FAM135B: variants seen among roughly 807,000 people sequenced by gnomAD.
The protein encoded by FAM135B is protein FAM135B.
A neutral mutation model predicts 127.7 loss-of-function variants in FAM135B; 43 were observed. The ratio of observed to expected loss-of-function variants is 0.34; its 90% CI spans 0.26 to 0.43. The LOEUF (loss-of-function observed/expected upper bound fraction) is 0.43. Ranked by LOEUF, FAM135B falls within the 20% of genes least tolerant of loss-of-function variation. The probability of loss-of-function intolerance (pLI) is 1.00; values close to 1 mark genes in which losing one functional copy is unlikely to be tolerated. For synonymous variants in FAM135B, 670 were observed against 665.1 expected, an observed-to-expected ratio of 1.01 and a Z score of -0.11; for missense variants, 1,558 against 1,725.6, an observed-to-expected ratio of 0.90 and a Z score of 1.72.
At position 138,148,702 on chromosome 8, in the gene FAM135B, A is replaced by G. The variant is rs2130695669; in HGVS notation, c.3282-16T>C. ...CTGATAAAAACTGGAGAATACACTA[A>G]TTAATCACAAGCCAAGCTGTGTACT... On this transcript the variant is annotated splice_polypyrimidine_tract_variant and intron_variant, in intron 13 of 19. Coordinates refer to ENST00000395297, the MANE Select transcript of FAM135B (RefSeq NM_015912.4). 6.3e-7 allele frequency: 1 copy of G among 1,584,782 alleles called. No homozygotes were observed. The highest frequency in any genetic ancestry group is 8.6e-7 in the Non-Finnish European group (1 of 1,160,544).
chr8:138,429,283 T>G (rs915508618), intron 1 of FAM135B, among the ~76,000 whole-genome samples: 1 of 152,198 alleles, frequency 6.6e-6, no homozygotes, highest in East Asian at 1.9e-4. Flanking sequence ...CCATGTCCTA[T>G]TCACACTTTG....
In FAM135B at chr8:138,378,077, C is replaced by A. The variant is rs147343941; in HGVS notation, c.-19-10075G>T. ...TCTCACTTCTGTGTGGAAACTTGGA[C>A]AAGTCACATAACATCTCTAAGCCTG... On this transcript the variant is annotated intron_variant, in intron 1 of 19. Coordinates refer to ENST00000395297, the MANE Select transcript of FAM135B (RefSeq NM_015912.4). Among the ~76,000 whole-genome samples the A allele has an allele frequency of 2.2e-4, 34 of 152,302 alleles. No individual in the cohort carries two copies. The East Asian group carries it at 4.8e-3, about 22-fold the overall frequency.
At chr8:138,240,711 A>G (rs1463809918) in intron 7 of FAM135B, among the ~76,000 whole-genome samples, 1 of 152,194 alleles carries the variant, frequency 6.6e-6, no homozygotes, top group African/African-American at 2.4e-5. Context: ...TTAAGAAATC[A>G]GAGAGTACTT....
rs1814593728 is a variant in FAM135B at position 138,478,032 on chromosome 8, A to AAT, written c.-20+18637_-20+18638dup. ...GCCAGATCTGTTGTTGCACGAGAGA[A>AAT]ATAAAACCCTATTTGGATAAGCCAT... On this transcript the variant is annotated intron_variant, in intron 1 of 19. Transcript: ENST00000395297. Among the ~76,000 whole-genome samples, 4 of 152,276 alleles carry AAT rather than the reference A, an allele frequency of 2.6e-5. No individual in the cohort carries two copies. In the South Asian group the frequency reaches 8.3e-4, roughly 32 times the overall value.
chr8:138,480,832 T>C (rs1814744781), intron 1 of FAM135B, among the ~76,000 whole-genome samples: 1 of 152,188 alleles, frequency 6.6e-6, no homozygotes, highest in Non-Finnish European at 1.5e-5. Flanking sequence ...AAGTTGGAAT[T>C]TGGGTTCTGA....
intron 7 of FAM135B, among the ~76,000 whole-genome samples, chr8:138,214,227 C>T (rs1170613871): frequency 6.6e-6 from 1 of 152,204 alleles, no homozygotes; most frequent in Non-Finnish European, 1.5e-5. Context: ...GACTCAAATA[C>T]TCTTACTATT....
chr8:138,183,859 T>A (rs939254701), intron 9 of FAM135B, among the ~76,000 whole-genome samples: 2 of 152,214 alleles, frequency 1.3e-5, no homozygotes, highest in Non-Finnish European at 2.9e-5. Flanking sequence ...GGAGACACGT[T>A]TTGCAGTTTT....
intron 2 of FAM135B, among the ~76,000 whole-genome samples, chr8:138,354,751 C>T (rs1360688914): frequency 6.6e-6 from 1 of 151,928 alleles, no homozygotes; most frequent in Non-Finnish European, 1.5e-5. Context: ...GGAAAATGAC[C>T]CTGAGGTTTA....
intron 4 of FAM135B, among the ~76,000 whole-genome samples, chr8:138,265,075 G>C (rs1339277706): frequency 1.3e-5 from 2 of 152,112 alleles, no homozygotes; most frequent in Non-Finnish European, 2.9e-5. Context: ...AACTAATAAA[G>C]CGAGCTCCCC....
rs74821434 is a variant in FAM135B at position 138,145,014 on chromosome 8, T to A, written c.3540+945A>T. On this transcript the variant is annotated intron_variant, in intron 15 of 19. Coordinates refer to ENST00000395297, the MANE Select transcript of FAM135B (RefSeq NM_015912.4). ...TATTTTATTTTAGTTTAGTTTAGTT[T>A]AGTTTTATTTTATTTTTTGAGACAG... is the stretch of plus-strand genomic sequence containing the variant. Among the ~76,000 whole-genome samples the A allele has an allele frequency of 4.7e-3, 711 of 152,226 alleles. 3 individuals are homozygous for A. Among genetic ancestry groups the A allele is most frequent in the African/African-American group, 0.013 (560 of 41,548 alleles).
At chr8:138,187,913 A>G (rs1325298213) in intron 9 of FAM135B, among the ~76,000 whole-genome samples, 2 of 152,178 alleles carry the variant, frequency 1.3e-5, no homozygotes, top group African/African-American at 4.8e-5. Context: ...ACAATGGCCA[A>G]TGATTTAATC....
At chr8:138,320,177 G>T (rs756848004) in intron 2 of FAM135B, among the ~76,000 whole-genome samples, 4 of 152,142 alleles carry the variant, frequency 2.6e-5, no homozygotes, top group Non-Finnish European at 4.4e-5. Flanking sequence ...AGCCACTTAG[G>T]TTATGGCAAT....
intron 7 of FAM135B, among the ~76,000 whole-genome samples, chr8:138,202,321 C>T (rs992087839): frequency 4.6e-5 from 7 of 151,870 alleles, no homozygotes; most frequent in South Asian, 2.1e-4. Context: ...GCAATCATGG[C>T]TCATTGCAGC....
rs7835712 is a variant in FAM135B, at chr8:138,153,029, T to C, written c.1446A>G (p.Pro482=). 1,107,500 of 1,612,984 alleles carry C rather than the reference T, an allele frequency of 0.69. 381,160 individuals are homozygous for C. Among genetic ancestry groups the C allele is most frequent in the East Asian group, 0.79 (35,220 of 44,816 alleles). ...GATTTTGTGTGGCCACATTCTCACC[T>C]GGCTCTGGACACCTTATAACTTCTT... The part of the protein sequence containing the change: ...SDEEVIRCPE[P]GENVATQNHM... Residue 482 remains proline, a synonymous_variant, in exon 13 of 20, where the codon CCA becomes CCG. Coordinates refer to ENST00000395297, the MANE Select transcript of FAM135B (RefSeq NM_015912.4).
At chr8:138,351,683 C>CT (rs889424592) in intron 2 of FAM135B, among the ~76,000 whole-genome samples, 4,506 of 109,420 alleles carry the variant, frequency 0.041, 208 homozygotes, top group East Asian at 0.16. Context: ...TAGGGCAGAT[C>CT]TTTTTTTTTT....
intron 2 of FAM135B, among the ~76,000 whole-genome samples, chr8:138,315,440 GCCATATGAC>G: frequency 6.6e-6 from 1 of 152,170 alleles, no homozygotes; most frequent in East Asian, 1.9e-4. Context: ...AAATAAAATT[GCCATATGAC>G]CCAGAAACCC....
At position 138,167,957 on chromosome 8, in the gene FAM135B, T is replaced by C. The variant is rs569398302; in HGVS notation, c.1196A>G (p.Asp399Gly). Reference protein sequence around the residue: ...PPLPAECLDIDGDWNTLPVIF... With the variant: ...PPLPAECLDIGGDWNTLPVIF... ...CACCGGCAGGGTGTTCCAATCGCCGTCGATGTCCAGGCACTCTGCAGGCAG... is the reference window on the plus strand; with the variant it reads ...CACCGGCAGGGTGTTCCAATCGCCGCCGATGTCCAGGCACTCTGCAGGCAG... The change falls in exon 12 of 20, where the codon GAC (aspartate) becomes GGC (glycine). Residue 399 changes from aspartate to glycine, a missense_variant. By Grantham distance (94) the Asp-to-Gly change is moderately conservative. Around this residue, in one of 5 missense-constraint regions of FAM135B, gnomAD observed 115 missense variants for 171.1 expected, o/e 0.67. Transcript: ENST00000395297. 1 of 1,613,978 alleles carries C rather than the reference T, an allele frequency of 6.2e-7. No homozygotes were observed.
intron 12 of FAM135B, among the ~76,000 whole-genome samples, chr8:138,164,197 A>G (rs948417281): frequency 6.6e-6 from 1 of 152,318 alleles, no homozygotes; most frequent in Admixed American, 6.5e-5. Context: ...GCTTTGTGAG[A>G]GATCAAGGAG....
intron 1 of FAM135B, among the ~76,000 whole-genome samples, chr8:138,463,206 T>C (rs78591082): frequency 0.03 from 4,567 of 152,244 alleles, 177 homozygotes; most frequent in African/African-American, 0.089. Context: ...GAAAGAGAGA[T>C]AGAAAAGAGA....
Sources: allele counts gnomAD v4.1 joint callset (sites outside exome capture counted in the v4.1 genomes callset), GRCh38; gene constraint gnomAD v4.1.1; regional missense constraint gnomAD v4.1.1; transcripts MANE v1.5; gene names NCBI Gene and HGNC (gene_info 2026-07-23, HGNC 2026-07-21).